The following ZRANB3 variants were observed in gnomAD, a reference collection of about 807,000 sequenced individuals.
ZRANB3 encodes the protein zinc finger RANBP2-type containing 3.
A neutral mutation model predicts 133.8 loss-of-function variants in ZRANB3; 125 were observed. The observed-to-expected ratio is 0.93, with a 90% CI of 0.81 to 1.08. The LOEUF is 1.08. Among genes scored for constraint, ZRANB3 ranks in the 50% least tolerant of loss-of-function variants. The pLI is 0.00. For synonymous variants in ZRANB3, 387 were observed against 432.7 expected (o/e 0.89, Z 1.31); for missense variants, 1,229 against 1,275.5 (o/e 0.96, Z 0.56).
intron 12 of ZRANB3, among the ~76,000 whole-genome samples, chr2:135,232,368 G>A (rs1695068685): frequency 6.6e-6 from 1 of 152,246 alleles, no homozygotes; most frequent in Admixed American, 6.5e-5. Context: ...ACCTCTGGGG[G>A]CAGGGCACAG....
chr2:135,219,904 C>T (rs1465012273), intron 15 of ZRANB3, among the ~76,000 whole-genome samples: 1 of 151,908 alleles, frequency 6.6e-6, no homozygotes, highest in Non-Finnish European at 1.5e-5. Context: ...CAAGGTATCA[C>T]TCTGTCACCC....
chr2:135,311,613 G>T (rs1682980709), intron 8 of ZRANB3, among the ~76,000 whole-genome samples: 2 of 152,016 alleles, frequency 1.3e-5, no homozygotes, highest in Admixed American at 6.6e-5. Flanking sequence ...GGCCAGATGA[G>T]GTAGCTCACA....
At chr2:135,404,902 C>G (rs925704029) in intron 2 of ZRANB3, among the ~76,000 whole-genome samples, 1 of 152,186 alleles carries the variant, frequency 6.6e-6, no homozygotes, top group African/African-American at 2.4e-5. Context: ...TAGGAAGAAA[C>G]TGCATCAACT....
intron 2 of ZRANB3, among the ~76,000 whole-genome samples, chr2:135,431,582 T>C (rs928732320): frequency 6.6e-5 from 10 of 152,094 alleles, no homozygotes; most frequent in African/African-American, 2.4e-4. Context: ...ATCCAGAATA[T>C]ATAAACACCT....
In ZRANB3 at chr2:135,497,221, T is replaced by C. The variant is rs147905736; in HGVS notation, c.161+7108A>G. On this transcript the variant is annotated intron_variant, in intron 2 of 20. Transcript: ENST00000264159. ...ACTCCATTCACAAATCCAGCACTTT[T>C]GTGAAAATTGATAAATGACTTCTAC... Among the ~76,000 whole-genome samples the C allele has an allele frequency of 4.8e-3, 732 of 152,336 alleles. 8 individuals are homozygous for C. The highest frequency in any genetic ancestry group is 0.017 in the African/African-American group (689 of 41,570).
At chr2:135,241,452 A>T (rs1341217576) in intron 12 of ZRANB3, among the ~76,000 whole-genome samples, 4 of 150,872 alleles carry the variant, frequency 2.7e-5, no homozygotes, top group South Asian at 2.1e-4. Context: ...GAGTTTTTTT[A>T]AAATTATCTT....
At chr2:135,418,751 G>A (rs1380245563) in intron 2 of ZRANB3, among the ~76,000 whole-genome samples, 1 of 152,012 alleles carries the variant, frequency 6.6e-6, no homozygotes, top group African/African-American at 2.4e-5. Flanking sequence ...AGGCAGAGAT[G>A]AGAGCTTAAA....
intron 8 of ZRANB3, among the ~76,000 whole-genome samples, chr2:135,312,738 G>A (rs995830668): frequency 2.6e-5 from 4 of 152,010 alleles, no homozygotes; most frequent in Non-Finnish European, 5.9e-5. Context: ...AATATAGTTC[G>A]GGCACGGTGG....
At chr2:135,339,568 CA>C (rs1684533777) in intron 6 of ZRANB3, among the ~76,000 whole-genome samples, 1 of 152,176 alleles carries the variant, frequency 6.6e-6, no homozygotes. Flanking sequence ...GGTGACAAAG[CA>C]AGACCCTGTC....
intron 2 of ZRANB3, among the ~76,000 whole-genome samples, chr2:135,415,538 A>G (rs1463605193): frequency 2.6e-5 from 4 of 152,176 alleles, no homozygotes; most frequent in Admixed American, 1.3e-4. Context: ...ACAAGGAGGA[A>G]CTGGTACCAT....
At chr2:135,508,440 G>T (rs1197455759) in intron 1 of ZRANB3, among the ~76,000 whole-genome samples, 1 of 151,866 alleles carries the variant, frequency 6.6e-6, no homozygotes, top group Non-Finnish European at 1.5e-5. Flanking sequence ...CCTGGCCAAG[G>T]CACAATATTT....
intron 1 of ZRANB3, among the ~76,000 whole-genome samples, chr2:135,529,104 C>G (rs1006896130): frequency 6.6e-6 from 1 of 152,150 alleles, no homozygotes; most frequent in African/African-American, 2.4e-5. Flanking sequence ...GTACCCAATA[C>G]AGTGTTAAGC....
At chr2:135,505,228 T>C (rs1305438442) in intron 1 of ZRANB3, among the ~76,000 whole-genome samples, 1 of 152,120 alleles carries the variant, frequency 6.6e-6, no homozygotes, top group African/African-American at 2.4e-5. Flanking sequence ...AATAATAATA[T>C]TTTGTATTTA....
At chr2:135,414,856 T>C (rs548710667) in intron 2 of ZRANB3, among the ~76,000 whole-genome samples, 1 of 152,122 alleles carries the variant, frequency 6.6e-6, no homozygotes, top group Admixed American at 6.6e-5. Context: ...GAATGACTAC[T>C]GGGTATATAA....
chr2:135,523,563 C>T (rs1574253283), intron 1 of ZRANB3, among the ~76,000 whole-genome samples: 1 of 152,212 alleles, frequency 6.6e-6, no homozygotes, highest in Admixed American at 6.5e-5. Context: ...AAGCAACACA[C>T]ACTTATTATG....
rs111615437 is a variant in ZRANB3 at position 135,242,621 on chromosome 2, T to C, written c.1540-11694A>G. ...GTACTTTCAATCAGATCAACTTGTG[T>C]CCTTCCGTCCTGGGAAGTTTTCTTA... On this transcript the variant is annotated intron_variant, in intron 12 of 20. Coordinates refer to ENST00000264159, the MANE Select transcript of ZRANB3 (RefSeq NM_032143.4). 3.0e-3 allele frequency among the ~76,000 whole-genome samples: 456 copies of C among 152,260 alleles called. 3 individuals carry two copies. Among genetic ancestry groups the C allele is most frequent in the African/African-American group, 0.01 (422 of 41,562 alleles).
intron 1 of ZRANB3, among the ~76,000 whole-genome samples, chr2:135,525,848 CAAAAAA>C (rs557386914): frequency 1.5e-5 from 1 of 67,058 alleles, no homozygotes; most frequent in Non-Finnish European, 3.5e-5. Context: ...AACTCTGTCT[CAAAAAA>C]AAAAAAAAAA....
At chr2:135,482,692 G>A (rs1338026878) in intron 2 of ZRANB3, among the ~76,000 whole-genome samples, 1 of 152,176 alleles carries the variant, frequency 6.6e-6, no homozygotes, top group Non-Finnish European at 1.5e-5. Context: ...CCTGTCTTGT[G>A]CCAGTTTTCA....
rs535431680 is a variant in ZRANB3, at chr2:135,475,898, T to C, written c.161+28431A>G. ...TTCAAGACCATCCTGGCCAACATGG[T>C]AAAACCCAGTCTCTACTAAAAATAC... On this transcript the variant is annotated intron_variant, in intron 2 of 20. Coordinates refer to ENST00000264159, the MANE Select transcript of ZRANB3 (RefSeq NM_032143.4). Among the ~76,000 whole-genome samples, 4 of 152,080 alleles carry C rather than the reference T, an allele frequency of 2.6e-5. No homozygotes were observed. In the South Asian group the frequency reaches 8.3e-4, roughly 32 times the overall value.
Sources: allele counts gnomAD v4.1 joint callset (sites outside exome capture counted in the v4.1 genomes callset), GRCh38; gene constraint gnomAD v4.1.1; transcripts MANE v1.5; gene names NCBI Gene and HGNC (gene_info 2026-07-23, HGNC 2026-07-21).